Variants in LPCAT1 observed in about 807,000 individuals in gnomAD.
The protein encoded by LPCAT1 is lysophosphatidylcholine acyltransferase 1.
LPCAT1 carries 23 observed loss-of-function variants against 60.9 expected under a neutral mutation model. The observed-to-expected ratio is 0.38, with a 90% CI of 0.27 to 0.53. LPCAT1 has a LOEUF of 0.53. Among genes scored for constraint, LPCAT1 ranks in the 20% least tolerant of loss-of-function variants. The pLI, the probability that LPCAT1 is intolerant of heterozygous loss-of-function variation, is 0.82. For synonymous variants in LPCAT1, 340 were observed against 301.1 expected (o/e 1.13, Z -1.34); for missense variants, 622 against 723.6 (o/e 0.86, Z 1.61).
intron 12 of LPCAT1, 37 bp downstream of exon 12, chr5:1,470,789 T>C: frequency 6.5e-7 from 1 of 1,539,832 alleles, no homozygotes; most frequent in East Asian, 2.3e-5. Context: ...TGCACCGCCC[T>C]GTCCCCCAGT....
At chr5:1,469,121 C>T (rs551729671) in intron 12 of LPCAT1, among the ~76,000 whole-genome samples, 7 of 152,296 alleles carry the variant, frequency 4.6e-5, no homozygotes, top group South Asian at 2.1e-4. Context: ...ACCCTGGTGT[C>T]GCCGTGGGGA....
rs938276580 is a variant in LPCAT1 at position 1,496,470 on chromosome 5, T to C, written c.279-1556A>G. 6.7e-6 allele frequency among the ~76,000 whole-genome samples: 1 copy of C among 148,700 alleles called. No individual in the cohort carries two copies. Among genetic ancestry groups the C allele is most frequent in the Non-Finnish European group, 1.5e-5 (1 of 67,446 alleles). ...AAGCCAAAAGACAGCAATTGATGCCTAAGATGGAAGAAACAAGGCAGCGGC... is the reference window on the plus strand; with the variant it reads ...AAGCCAAAAGACAGCAATTGATGCCCAAGATGGAAGAAACAAGGCAGCGGC... On this transcript the variant is annotated intron_variant, in intron 2 of 13. Transcript: ENST00000283415. The surrounding 1 kb of genome is among the most constrained non-coding windows in gnomAD (Gnocchi z 4.7).
In LPCAT1 at chr5:1,462,923, G is replaced by C. The variant is rs1426435298; in HGVS notation, c.*728C>G. On this transcript the variant is annotated 3_prime_UTR_variant, in exon 14 of 14. Transcript: ENST00000283415. The stretch of plus-strand genomic sequence containing the variant: ...CCCTTGAGTTCACACCTCCCCAGGG[G>C]ACCCAGCGGAAGGAGAGGGATTACC... 6.6e-6 allele frequency: 1 copy of C among 152,036 alleles called. No homozygotes were observed. The highest frequency in any genetic ancestry group is 1.5e-5 in the Non-Finnish European group (1 of 68,024). The allele number at this position is 152,036 out of a possible 1,614,324, so 9.4% of individuals were successfully genotyped here.
intron 11 of LPCAT1, among the ~76,000 whole-genome samples, chr5:1,472,789 C>T (rs1206744638): frequency 2.6e-5 from 4 of 151,862 alleles, no homozygotes; most frequent in Admixed American, 6.6e-5. Context: ...AGAGGGCCCG[C>T]GGCTGGGGGC....
rs1396896721 is a variant in LPCAT1 at position 1,487,853 on chromosome 5, C to A, written c.667+538G>T. On this transcript the variant is annotated intron_variant, in intron 5 of 13. Transcript: ENST00000283415. This position sits in a 1 kb window ranked among gnomAD's most constrained non-coding sequence, Gnocchi z 6.1. ...ACTCTGCTGCCTGCTCACTGCCACA[C>A]TTCCCACGTCAGGGGTGCAGACACA... Among the ~76,000 whole-genome samples, 1 of 152,198 alleles carries A rather than the reference C, an allele frequency of 6.6e-6. No homozygotes were observed. Among genetic ancestry groups the A allele is most frequent in the African/African-American group, 2.4e-5 (1 of 41,450 alleles).
At position 1,480,783 on chromosome 5, in the gene LPCAT1, C is replaced by T. The variant is rs1381228241; in HGVS notation, c.761+159G>A. Among the ~76,000 whole-genome samples the T allele has an allele frequency of 6.6e-6, 1 of 152,216 alleles. No individual in the cohort carries two copies. Among genetic ancestry groups the T allele is most frequent in the Non-Finnish European group, 1.5e-5 (1 of 68,038 alleles). ...ATCCAGGAGTGTCAGGCCTGGGCCACATCTGTACGTTTAGTTTTCACAATG... is the reference window on the plus strand; with the variant it reads ...ATCCAGGAGTGTCAGGCCTGGGCCATATCTGTACGTTTAGTTTTCACAATG... On this transcript the variant is annotated intron_variant, in intron 7 of 13. Transcript: ENST00000283415. This position sits in a 1 kb window ranked among gnomAD's most constrained non-coding sequence, Gnocchi z 6.4.
rs746168980 is a variant in LPCAT1 at position 1,501,526 on chromosome 5, G to A, written c.213C>T (p.Leu71=). Residue 71 remains leucine (L), a synonymous_variant, in exon 2 of 14, where the codon CTC becomes CTT. Coordinates refer to ENST00000283415, the MANE Select transcript of LPCAT1 (RefSeq NM_024830.5). ...AAAMMLLAWP[L]ALVASLGSAE... is the part of the protein sequence containing the mutation. The stretch of plus-strand genomic sequence containing the variant: ...CAGAGCCCAGGGATGCGACAAGTGC[G>A]AGGGGCCAGGCCAGCAGCATCATGG... 3.7e-6 allele frequency: 6 copies of A among 1,613,852 alleles called. No individual in the cohort carries two copies. Among genetic ancestry groups the A allele is most frequent in the South Asian group, 1.1e-5 (1 of 91,094 alleles).
intron 1 of LPCAT1, among the ~76,000 whole-genome samples, chr5:1,516,843 G>C (rs1020877044): frequency 3.3e-5 from 5 of 152,198 alleles, no homozygotes; most frequent in Non-Finnish European, 2.9e-5. Flanking sequence ...AGTCACAGCA[G>C]AGGAAAGACC....
chr5:1,514,141 G>A (rs112513905), intron 1 of LPCAT1, among the ~76,000 whole-genome samples: 8 of 152,344 alleles, frequency 5.3e-5, no homozygotes, highest in African/African-American at 1.9e-4. Flanking sequence ...GCTGGGGAGA[G>A]GCTGGAGATG....
chr5:1,520,159 C>T (rs555443998), intron 1 of LPCAT1, among the ~76,000 whole-genome samples: 5 of 152,258 alleles, frequency 3.3e-5, no homozygotes, highest in African/African-American at 9.6e-5. Context: ...CAGCCATCCA[C>T]GTGAGGAGCC....
Position 1,463,325 on chromosome 5 carries a change from TGACAG to T in LPCAT1, c.*321_*325del. ...TGCACGCTGCCGCCGGAAGAGGCTG[TGACAG>T]AGACTCGAAACCAGGGCCCCGTGGG... On this transcript the variant is annotated 3_prime_UTR_variant, in exon 14 of 14. Coordinates refer to ENST00000283415, the MANE Select transcript of LPCAT1 (RefSeq NM_024830.5). 1 of 300,882 alleles carries T rather than the reference TGACAG, an allele frequency of 3.3e-6. No homozygotes were observed. Among genetic ancestry groups the T allele is most frequent in the East Asian group, 6.3e-5 (1 of 15,952 alleles). 18.6% of individuals were successfully genotyped at this position (300,882 alleles called of 1,614,324 possible).
Position 1,477,294 on chromosome 5 carries a change from TTCTGCAAGA to T in LPCAT1, c.899+101_899+109del, listed in dbSNP as rs556184362. ...ACATGCATGAAGCTGGTTCCCGCAC[TTCTGCAAGA>T]ATGCCTTTTCCTAACGCTGTTGCCT... On this transcript the variant is annotated intron_variant, in intron 9 of 13. Coordinates refer to ENST00000283415, the MANE Select transcript of LPCAT1 (RefSeq NM_024830.5). The surrounding 1 kb of genome is among the most constrained non-coding windows in gnomAD (Gnocchi z 6.0). 2.8e-3 allele frequency: 2,529 copies of T among 889,718 alleles called. 49 individuals carry two copies. The highest frequency in any genetic ancestry group is 0.028 in the South Asian group (1,884 of 67,012). 55.1% of individuals were successfully genotyped at this position (889,718 alleles called of 1,614,324 possible). A position where few individuals can be genotyped will look rare whatever the true frequency, so the allele number is the denominator to read the frequency against.
In LPCAT1 at chr5:1,474,640, C is replaced by T; in HGVS notation, c.945G>A (p.Gln315=). ...SVTDYTFEDC[Q]LALAEGQLRL... is the part of the protein sequence containing the mutation. ...GGAGCTGTCCTTCCGCCAGGGCCAG[C>T]TGGCAGTCCTCGAACGTGTAGTCAG... The change falls in exon 10 of 14, where the codon CAG becomes CAA. Residue 315 remains glutamine, a synonymous_variant. Transcript: ENST00000283415. 2 of 1,614,018 alleles carry T rather than the reference C, an allele frequency of 1.2e-6. No homozygotes were observed. The highest frequency in any genetic ancestry group is 1.7e-6 in the Non-Finnish European group (2 of 1,180,010).
At chr5:1,518,570 G>A (rs888403490) in intron 1 of LPCAT1, among the ~76,000 whole-genome samples, 9 of 152,222 alleles carry the variant, frequency 5.9e-5, no homozygotes, top group South Asian at 4.1e-4. Flanking sequence ...TCGATCTCCC[G>A]ACCTCATGAT....
intron 3 of LPCAT1, among the ~76,000 whole-genome samples, chr5:1,491,990 A>AGG (rs1735600699): frequency 6.6e-6 from 1 of 150,590 alleles, no homozygotes; most frequent in African/African-American, 2.4e-5. Context: ...TGAGCTGGAA[A>AGG]CCTGGGAGAC....
At chr5:1,489,588 T>C (rs539917093) in intron 4 of LPCAT1, among the ~76,000 whole-genome samples, 158 bp downstream of exon 4, 1 of 152,352 alleles carries the variant, frequency 6.6e-6, no homozygotes, top group African/African-American at 2.4e-5. Context: ...CGAAACCAAA[T>C]GCACCTGACA....
chr5:1,490,543 A>G (rs1372040613), intron 3 of LPCAT1, among the ~76,000 whole-genome samples: 1 of 152,236 alleles, frequency 6.6e-6, no homozygotes, highest in African/African-American at 2.4e-5. Flanking sequence ...CAATGCGGCC[A>G]GCACTTTGTT....
chr5:1,515,770 C>A (rs546698612), intron 1 of LPCAT1, among the ~76,000 whole-genome samples: 3 of 152,314 alleles, frequency 2.0e-5, no homozygotes, highest in Admixed American at 2.0e-4. Flanking sequence ...ACCCCCACTC[C>A]CCCGAGCTGC....
chr5:1,519,939 TAC>T (rs1184854233), intron 1 of LPCAT1, among the ~76,000 whole-genome samples: 1 of 152,086 alleles, frequency 6.6e-6, no homozygotes, highest in Non-Finnish European at 1.5e-5. Flanking sequence ...TCCCACCGGG[TAC>T]ACTGCCCAGG....
Sources: allele counts gnomAD v4.1 joint callset (sites outside exome capture counted in the v4.1 genomes callset), GRCh38; gene constraint gnomAD v4.1.1; non-coding constraint Gnocchi (gnomAD v3.1); transcripts MANE v1.5; gene names NCBI Gene and HGNC (gene_info 2026-07-23, HGNC 2026-07-21).